The following GFRAL variants were observed in gnomAD, a reference collection of about 807,000 sequenced individuals.
GFRAL encodes GDNF family receptor alpha like, also known as GDNF family receptor alpha-like.
A neutral mutation model predicts 45.4 loss-of-function variants in GFRAL; 36 were observed. That is an observed-to-expected ratio of 0.79 (90% CI 0.61 to 1.05). The LOEUF is 1.05. Ranked by LOEUF, GFRAL falls within the 50% of genes least tolerant of loss-of-function variation. The pLI is 0.00. For synonymous variants in GFRAL, 166 were observed against 154.1 expected (o/e 1.08, Z -0.57); for missense variants, 507 against 467.5 (o/e 1.08, Z -0.78).
At chr6:55,341,766 A>G (rs541123805) in intron 3 of GFRAL, among the ~76,000 whole-genome samples, 1 of 152,316 alleles carries the variant, frequency 6.6e-6, no homozygotes, top group Admixed American at 6.5e-5. Context: ...AAGAAGCTAA[A>G]AACCTTGAAA....
chr6:55,396,791 C>T (rs1007142054), intron 6 of GFRAL, among the ~76,000 whole-genome samples: 2 of 148,868 alleles, frequency 1.3e-5, no homozygotes. Context: ...TTTACAATCA[C>T]AAAAGTAAAA....
chr6:55,381,186 T>A (rs961765274), intron 6 of GFRAL, among the ~76,000 whole-genome samples: 1 of 151,944 alleles, frequency 6.6e-6, no homozygotes, highest in Non-Finnish European at 1.5e-5. Flanking sequence ...TAGCCCTATC[T>A]GTGAATGACA....
chr6:55,383,389 A>G (rs886499503), intron 6 of GFRAL, among the ~76,000 whole-genome samples: 2 of 152,034 alleles, frequency 1.3e-5, no homozygotes, highest in African/African-American at 4.8e-5. Context: ...GTCAGACTGC[A>G]TAATGATGGT....
intron 2 of GFRAL, among the ~76,000 whole-genome samples, chr6:55,332,775 A>G (rs1448367566): frequency 2.0e-5 from 3 of 152,168 alleles, no homozygotes; most frequent in African/African-American, 7.2e-5. Flanking sequence ...AAGTAGCTAA[A>G]TAAGCATTGA....
chr6:55,375,868 T>A (rs1056204759), intron 6 of GFRAL, among the ~76,000 whole-genome samples: 1 of 151,944 alleles, frequency 6.6e-6, no homozygotes, highest in Non-Finnish European at 1.5e-5. Context: ...TTGCCTGATT[T>A]CCCTGGCCAG....
rs1434718288 is a variant in GFRAL at position 55,373,203 on chromosome 6, G to A, written c.952+14065G>A. ...TCTCTGGCAGTGTGGATTTCAGTAA[G>A]GAGAACCTGAATCAGATATCTGTGA... On this transcript the variant is annotated intron_variant, in intron 6 of 8. Coordinates refer to ENST00000340465, the MANE Select transcript of GFRAL (RefSeq NM_207410.2). Among the ~76,000 whole-genome samples the A allele has an allele frequency of 2.0e-5, 3 of 152,054 alleles. No individual in the cohort carries two copies. In the East Asian group the frequency reaches 5.8e-4, roughly 29 times the overall value.
intron 6 of GFRAL, among the ~76,000 whole-genome samples, chr6:55,397,300 T>G (rs1439681508): frequency 7.2e-6 from 1 of 138,728 alleles, no homozygotes; most frequent in East Asian, 2.0e-4. Flanking sequence ...GGGTGGATCA[T>G]GAGGTCAGGA....
At position 55,351,590 on chromosome 6, in the gene GFRAL, A is replaced by C. The variant is rs780226590; in HGVS notation, c.701+7A>C. 1 of 1,585,502 alleles carries C rather than the reference A, an allele frequency of 6.3e-7. No individual in the cohort carries two copies. Among genetic ancestry groups the C allele is most frequent in the East Asian group, 2.3e-5 (1 of 44,294 alleles). ...AAAATGATGAATTATGCAGGTGGGT[A>C]AAAACACTCATACCTTACTTTCTTA... On this transcript the variant is annotated splice_region_variant and intron_variant, in intron 5 of 8. Coordinates refer to ENST00000340465, the MANE Select transcript of GFRAL (RefSeq NM_207410.2).
intron 6 of GFRAL, among the ~76,000 whole-genome samples, chr6:55,386,167 G>A (rs1768679442): frequency 6.6e-6 from 1 of 152,058 alleles, no homozygotes; most frequent in African/African-American, 2.4e-5. Flanking sequence ...GGATAAAAGA[G>A]TTTTCTCTAG....
chr6:55,401,317 A>G (rs1581764332), intron 8 of GFRAL, among the ~76,000 whole-genome samples: 1 of 152,228 alleles, frequency 6.6e-6, no homozygotes, highest in East Asian at 1.9e-4. Flanking sequence ...AAACTGAAAC[A>G]AAAGCATCAT....
intron 6 of GFRAL, among the ~76,000 whole-genome samples, chr6:55,374,149 T>G (rs576438235): frequency 6.6e-6 from 1 of 152,190 alleles, no homozygotes; most frequent in Admixed American, 6.5e-5. Context: ...CAGTCTATCA[T>G]TGATGGTTAT....
At chr6:55,366,267 C>T (rs1013553976) in intron 6 of GFRAL, among the ~76,000 whole-genome samples, 114 of 152,062 alleles carry the variant, frequency 7.5e-4, no homozygotes, top group Non-Finnish European at 1.2e-3. Context: ...GTTTGTATTT[C>T]TATGGGATCG....
At position 55,344,939 on chromosome 6, in the gene GFRAL, C is replaced by A. The variant is rs568526349; in HGVS notation, c.317-5153C>A. Among the ~76,000 whole-genome samples, 7 of 152,236 alleles carry A rather than the reference C, an allele frequency of 4.6e-5. No individual in the cohort carries two copies. In the East Asian group the frequency reaches 1.2e-3, roughly 25 times the overall value. ...CAAATCATGAGTGAACTCCCATTCA[C>A]AATTGTTTCAAAGAGAATAAAATAC... On this transcript the variant is annotated intron_variant, in intron 3 of 8. Transcript: ENST00000340465.
chr6:55,344,109 A>G (rs1318485514), intron 3 of GFRAL, among the ~76,000 whole-genome samples: 1 of 152,230 alleles, frequency 6.6e-6, no homozygotes, highest in African/African-American at 2.4e-5. Flanking sequence ...TAGCAGAAAT[A>G]CAAACAGGAG....
intron 6 of GFRAL, among the ~76,000 whole-genome samples, chr6:55,396,175 A>T (rs928127063): frequency 1.3e-5 from 2 of 152,158 alleles, no homozygotes; most frequent in African/African-American, 4.8e-5. Flanking sequence ...GTATCCTCCT[A>T]GGGTGCAATA....
intron 6 of GFRAL, among the ~76,000 whole-genome samples, chr6:55,390,590 A>G (rs998014227): frequency 2.0e-5 from 3 of 152,148 alleles, no homozygotes; most frequent in Non-Finnish European, 2.9e-5. Context: ...TTGACCTCCC[A>G]TAGAAAGTAG....
intron 6 of GFRAL, among the ~76,000 whole-genome samples, chr6:55,362,602 G>C (rs572746036): frequency 1.3e-5 from 2 of 152,188 alleles, no homozygotes; most frequent in African/African-American, 2.4e-5. Flanking sequence ...CCATGGAAGA[G>C]AGAGAAGTTG....
chr6:55,358,828 A>C, intron 5 of GFRAL, 60 bp from the exon 6 acceptor site: 3 of 1,506,402 alleles, frequency 2.0e-6, no homozygotes, highest in Non-Finnish European at 1.8e-6. Context: ...AGGGGGGATC[A>C]CATGTTAATG....
intron 6 of GFRAL, among the ~76,000 whole-genome samples, chr6:55,370,603 C>G (rs575960760): frequency 2.6e-5 from 4 of 152,132 alleles, no homozygotes; most frequent in African/African-American, 9.7e-5. Context: ...CAAGATAATT[C>G]TCTAGGGAGC....
Sources: gnomAD v4.1 joint callset for allele counts (sites outside exome capture counted in the v4.1 genomes callset) on GRCh38, gnomAD v4.1.1 for gene constraint, MANE v1.5 for transcripts, NCBI Gene and HGNC (gene_info 2026-07-23, HGNC 2026-07-21) for gene names.